WDR49: variants seen among roughly 807,000 people sequenced by gnomAD.
WDR49 encodes cilia- and flagella-associated protein 337.
In WDR49, 107 loss-of-function variants were observed where a neutral mutation model predicts 119.5. That is an observed-to-expected ratio of 0.90 (90% CI 0.77 to 1.05). The LOEUF (loss-of-function observed/expected upper bound fraction) is 1.05, where lower values mean the gene tolerates loss of function less well. Among genes scored for constraint, WDR49 ranks in the 50% least tolerant of loss-of-function variants. WDR49 has a pLI of 0.00. For missense variants in WDR49, 1,240 were observed against 1,220.5 expected (o/e 1.02, Z -0.24); for synonymous variants, 425 against 418.8 (o/e 1.01, Z -0.18).
chr3:167,537,036 A>G (rs1753067693), intron 10 of WDR49, 36 bp from the exon 11 acceptor site: 2 of 1,536,986 alleles, frequency 1.3e-6, no homozygotes, highest in South Asian at 2.5e-5. Context: ...CTGTGGATCT[A>G]AAATTGATGT....
intron 13 of WDR49, among the ~76,000 whole-genome samples, chr3:167,530,569 TAAAAA>T (rs956090251): frequency 1.4e-5 from 2 of 144,432 alleles, no homozygotes; most frequent in African/African-American, 5.1e-5. Flanking sequence ...AACCAATACT[TAAAAA>T]AAAAAACAAA....
intron 3 of WDR49, among the ~76,000 whole-genome samples, chr3:167,625,219 T>C (rs1717077679): frequency 6.6e-6 from 1 of 152,004 alleles, no homozygotes; most frequent in Admixed American, 6.6e-5. Flanking sequence ...CTGGAACATT[T>C]TGTCATACCA....
At chr3:167,496,916 CGAG>C (rs1751376500) in intron 18 of WDR49, among the ~76,000 whole-genome samples, 1 of 147,490 alleles carries the variant, frequency 6.8e-6, no homozygotes, top group African/African-American at 2.6e-5. Flanking sequence ...CCTCTACTAA[CGAG>C]AGGTAAATGT....
chr3:167,536,999 C>G lies in WDR49; in HGVS notation c.1825G>C (p.Ala609Pro). ...TTTTGGGGTCGAAACACAGTAATAG[C>G]CCTAGCAAAAAGGATATAGAATTTA... Reference protein sequence around the residue: ...DYASWKTIGRAITVFRPQNFN... With the variant: ...DYASWKTIGRPITVFRPQNFN... Residue 609 changes from alanine (A) to proline (P), a missense_variant and splice_region_variant, in exon 11 of 19, where the codon GCT becomes CCT. By Grantham distance (27) the Ala-to-Pro change is conservative (BLOSUM62 -1). Coordinates refer to ENST00000682715, the MANE Select transcript of WDR49 (RefSeq NM_001366157.1). 2 of 1,573,062 alleles carry G rather than the reference C, an allele frequency of 1.3e-6. No individual in the cohort carries two copies. Among genetic ancestry groups the G allele is most frequent in the Non-Finnish European group, 1.7e-6 (2 of 1,162,138 alleles).
At chr3:167,576,319 A>G (rs1295266200) in intron 7 of WDR49, among the ~76,000 whole-genome samples, 168 bp from the exon 8 acceptor site, 2 of 152,044 alleles carry the variant, frequency 1.3e-5, no homozygotes, top group African/African-American at 2.4e-5. Flanking sequence ...TATTTCAGTC[A>G]CCTGTTTAAA....
chr3:167,588,539 T>C (rs1190310095), intron 7 of WDR49, among the ~76,000 whole-genome samples: 1 of 152,144 alleles, frequency 6.6e-6, no homozygotes, highest in South Asian at 2.1e-4. Flanking sequence ...CCAATTTACA[T>C]TCCTACCAAC....
intron 8 of WDR49, among the ~76,000 whole-genome samples, chr3:167,564,257 T>C (rs981700046): frequency 6.6e-6 from 1 of 152,210 alleles, no homozygotes; most frequent in Non-Finnish European, 1.5e-5. Context: ...CGGTGCAGTT[T>C]GCAGGAAAAC....
At chr3:167,509,593 T>C (rs1751889771) in intron 16 of WDR49, among the ~76,000 whole-genome samples, 1 of 152,192 alleles carries the variant, frequency 6.6e-6, no homozygotes, top group Non-Finnish European at 1.5e-5. Flanking sequence ...ACCATTTGTA[T>C]TGCTGCTGGA....
rs113962918 is a variant in WDR49 at position 167,616,611 on chromosome 3, TAGAGTCCTATTAAAAAAAAGAG to T, written c.958+3796_958+3817del. On this transcript the variant is annotated intron_variant, in intron 5 of 18. Coordinates refer to ENST00000682715, the MANE Select transcript of WDR49 (RefSeq NM_001366157.1). ...ACAGAATTCTGGAAAGGCAAATAAT[TAGAGTCCTATTAAAAAAAAGAG>T]AGAGAGAGAGAAAGAAGAAAGAAAA... Among the ~76,000 whole-genome samples, 674 of 150,630 alleles carry T rather than the reference TAGAGTCCTATTAAAAAAAAGAG, an allele frequency of 4.5e-3. 5 individuals are homozygous for T. The highest frequency in any genetic ancestry group is 0.013 in the African/African-American group (545 of 40,920).
chr3:167,600,925 G>A (rs1314743951), intron 7 of WDR49, among the ~76,000 whole-genome samples: 1 of 152,092 alleles, frequency 6.6e-6, no homozygotes, highest in African/African-American at 2.4e-5. Flanking sequence ...TAGATGGGGG[G>A]AGCTTTGTAT....
chr3:167,516,414 A>G (rs1752205779), intron 16 of WDR49, among the ~76,000 whole-genome samples: 1 of 151,970 alleles, frequency 6.6e-6, no homozygotes, highest in East Asian at 1.9e-4. Context: ...CCATGTCCCT[A>G]CAAAGGACAT....
chr3:167,638,659 T>C (rs1717732025), intron 2 of WDR49, among the ~76,000 whole-genome samples: 1 of 151,664 alleles, frequency 6.6e-6, no homozygotes, highest in Non-Finnish European at 1.5e-5. Context: ...TGAACATTTA[T>C]GAGAAAGTGA....
At chr3:167,650,454 C>T (rs1481130394) in intron 2 of WDR49, among the ~76,000 whole-genome samples, 1 of 152,132 alleles carries the variant, frequency 6.6e-6, no homozygotes, top group Non-Finnish European at 1.5e-5. Flanking sequence ...AAATGAAATC[C>T]ACAAGTTACT....
At position 167,568,167 on chromosome 3, in the gene WDR49, C is replaced by A. The variant is rs560383261; in HGVS notation, c.1509+7751G>T. On this transcript the variant is annotated intron_variant, in intron 8 of 18. Coordinates refer to ENST00000682715, the MANE Select transcript of WDR49 (RefSeq NM_001366157.1). ...TTAAAAAATTTGTTCAGGCAGCAATCCTTTCTTCTCAATTATTTCCTTAAT... is the reference window on the plus strand; with the variant it reads ...TTAAAAAATTTGTTCAGGCAGCAATACTTTCTTCTCAATTATTTCCTTAAT... Among the ~76,000 whole-genome samples the A allele has an allele frequency of 9.2e-5, 14 of 152,236 alleles. No individual in the cohort carries two copies. In the South Asian group the frequency reaches 1.2e-3, roughly 14 times the overall value.
At chr3:167,624,994 C>T (rs568378123) in intron 3 of WDR49, among the ~76,000 whole-genome samples, 7 of 152,158 alleles carry the variant, frequency 4.6e-5, no homozygotes, top group Non-Finnish European at 8.8e-5. Flanking sequence ...AATTACACAA[C>T]TTCTCTTTGC....
At chr3:167,543,665 C>G (rs1267230779) in intron 10 of WDR49, among the ~76,000 whole-genome samples, 1 of 151,972 alleles carries the variant, frequency 6.6e-6, no homozygotes, top group East Asian at 1.9e-4. Flanking sequence ...CCATCTATGA[C>G]AAACCCACAG....
At chr3:167,553,393 C>A (rs1712695934) in intron 10 of WDR49, among the ~76,000 whole-genome samples, 1 of 151,900 alleles carries the variant, frequency 6.6e-6, no homozygotes, top group African/African-American at 2.4e-5. Flanking sequence ...TCCTTTAAAC[C>A]ACTTTTAGGT....
At chr3:167,485,947 G>A (rs924022084) in intron 18 of WDR49, among the ~76,000 whole-genome samples, 1 of 151,852 alleles carries the variant, frequency 6.6e-6, no homozygotes, top group Non-Finnish European at 1.5e-5. Flanking sequence ...AAGGCACATA[G>A]TTAGCAGATT....
At chr3:167,556,903 T>A (rs1235750301) in intron 9 of WDR49, among the ~76,000 whole-genome samples, 1 of 152,164 alleles carries the variant, frequency 6.6e-6, no homozygotes, top group African/African-American at 2.4e-5. Flanking sequence ...CATGCACCTG[T>A]AGTCCCAGCT....
Sources: allele counts gnomAD v4.1 joint callset (sites outside exome capture counted in the v4.1 genomes callset), GRCh38; gene constraint gnomAD v4.1.1; transcripts MANE v1.5; gene names NCBI Gene and HGNC (gene_info 2026-07-23, HGNC 2026-07-21).